The following CFAP99 variants were observed in gnomAD, a reference collection of about 807,000 sequenced individuals.
The protein encoded by CFAP99 is cilia and flagella associated protein 99, also known as cilia- and flagella-associated protein 99.
A neutral mutation model predicts 82.7 loss-of-function variants in CFAP99; 84 were observed. That is an observed-to-expected ratio of 1.02 (90% CI 0.85 to 1.22). CFAP99 has a LOEUF of 1.22. Ranked by LOEUF, CFAP99 falls within the 50% of genes most tolerant of loss-of-function variation. CFAP99 has a pLI of 0.00. For synonymous variants in CFAP99, 456 were observed against 429.5 expected (o/e 1.06, Z -0.76); for missense variants, 1,059 against 983.5 (o/e 1.08, Z -1.03).
chr4:2,451,098 G>A lies in CFAP99; in HGVS notation c.867+80G>A, dbSNP rs1244474314. Reference sequence around the variant, plus strand: ...GACCTTTTCTGCCCGTAGAGGCTCAGATGACCTGAGCTGGGGGACCTAGAG... The same window carrying A: ...GACCTTTTCTGCCCGTAGAGGCTCAAATGACCTGAGCTGGGGGACCTAGAG... On this transcript the variant is annotated intron_variant, in intron 9 of 14. Transcript: ENST00000635017. 9.4e-6 allele frequency: 14 copies of A among 1,481,586 alleles called. No homozygotes were observed. The African/African-American group carries it at 1.9e-4, about 21-fold the overall frequency. The allele number at this position is 1,481,586 out of a possible 1,614,324, so 91.8% of individuals were successfully genotyped here. A position where few individuals can be genotyped will look rare whatever the true frequency, so the allele number is the denominator to read the frequency against.
exon 3 of CFAP99, chr4:2,436,996 G>C: frequency 6.5e-7 from 1 of 1,536,086 alleles, no homozygotes; most frequent in Non-Finnish European, 8.7e-7. Context: ...TCTGCCTGCG[G>C]GTTGACCACA....
intron 2 of CFAP99, among the ~76,000 whole-genome samples, chr4:2,429,873 G>A (rs1009262506): frequency 6.6e-6 from 1 of 152,248 alleles, no homozygotes; most frequent in Non-Finnish European, 1.5e-5. Flanking sequence ...TTACAGGCAT[G>A]AGCCACTGCA....
chr4:2,425,675 C>G (rs756055268), intron 1 of CFAP99, among the ~76,000 whole-genome samples: 7 of 152,190 alleles, frequency 4.6e-5, no homozygotes, highest in Non-Finnish European at 7.4e-5. Flanking sequence ...CAGGCCTGCA[C>G]CACACCCAAG....
At position 2,448,748 on chromosome 4, in the gene CFAP99, G is replaced by C. The variant is rs1002626104; in HGVS notation, c.643-922G>C. ...CTGGAGTGGAGTGAGGCAGGGAAGA[G>C]GGAAGGCGGGGTACCGGTCTGGTCA... On this transcript the variant is annotated intron_variant, in intron 6 of 14. Transcript: ENST00000635017. This position sits in a 1 kb window ranked among gnomAD's most constrained non-coding sequence, Gnocchi z 5.2. 2.6e-5 allele frequency among the ~76,000 whole-genome samples: 4 copies of C among 152,244 alleles called. No individual in the cohort carries two copies. Among genetic ancestry groups the C allele is most frequent in the Non-Finnish European group, 4.4e-5 (3 of 68,038 alleles).
At position 2,462,392 on chromosome 4, in the gene CFAP99, G is replaced by C; in HGVS notation, c.1662-51G>C. On this transcript the variant is annotated intron_variant, in intron 14 of 14. Transcript: ENST00000635017. This position sits in a 1 kb window ranked among gnomAD's most constrained non-coding sequence, Gnocchi z 4.1. ...TGGACACGGGTGGCATCCTGGGTCT[G>C]GCCTGGGCCTCCCGCCGGCCTGCTC... 3 of 1,388,492 alleles carry C rather than the reference G, an allele frequency of 2.2e-6. No homozygotes were observed. 86.0% of individuals were successfully genotyped at this position (1,388,492 alleles called of 1,614,324 possible).
At chr4:2,458,888 G>A (rs1055096511) in intron 12 of CFAP99, 24 bp downstream of exon 12, 2 of 1,526,078 alleles carry the variant, frequency 1.3e-6, no homozygotes, top group African/African-American at 1.4e-5. Context: ...AGATGTCACT[G>A]GCCCTACCCC....
At chr4:2,424,845 G>A (rs1733652804) in intron 1 of CFAP99, among the ~76,000 whole-genome samples, 1 of 152,190 alleles carries the variant, frequency 6.6e-6, no homozygotes, top group Admixed American at 6.5e-5. Context: ...GAAATATCAT[G>A]ACTCATTCCC....
At chr4:2,429,943 G>A (rs184803734) in intron 2 of CFAP99, among the ~76,000 whole-genome samples, 7 of 149,326 alleles carry the variant, frequency 4.7e-5, no homozygotes, top group Admixed American at 4.0e-4. Flanking sequence ...TGGTGCATTG[G>A]ATCCTGATCC....
At position 2,447,830 on chromosome 4, in the gene CFAP99, G is replaced by GTGGA. The variant is rs991718428; in HGVS notation, c.643-1817_643-1814dup. Among the ~76,000 whole-genome samples the GTGGA allele has an allele frequency of 6.7e-4, 77 of 115,156 alleles. 1 individual carries two copies. Among genetic ancestry groups the GTGGA allele is most frequent in the Non-Finnish European group, 7.0e-4 (39 of 55,468 alleles). 75.5% of individuals were successfully genotyped at this position (115,156 alleles called of 152,430 possible). On this transcript the variant is annotated intron_variant, in intron 6 of 14. Coordinates refer to ENST00000635017, the Ensembl canonical transcript of CFAP99. Reference sequence around the variant, plus strand: ...AATTAATGGATGGATGGGTGGGTGGGTGGATGGATGGATGGATGGATGGAT... The same window carrying GTGGA: ...AATTAATGGATGGATGGGTGGGTGGGTGGATGGATGGATGGATGGATGGATGGAT...
chr4:2,461,829 C>CT lies in CFAP99; in HGVS notation c.1662-613dup, dbSNP rs370590880. Among the ~76,000 whole-genome samples, 606 of 152,242 alleles carry CT rather than the reference C, an allele frequency of 4.0e-3. 1 individual carries two copies. The highest frequency in any genetic ancestry group is 0.012 in the African/African-American group (486 of 41,536). On this transcript the variant is annotated intron_variant, in intron 14 of 14. Transcript: ENST00000635017. The stretch of plus-strand genomic sequence containing the variant: ...CAATCAGAAGGATCAAGGGCCATGT[C>CT]TGCAGGTACCTGTGGAGATGCAGGC...
At chr4:2,437,916 G>A (rs1014643695) in intron 3 of CFAP99, among the ~76,000 whole-genome samples, 154 bp from the exon 4 acceptor site, 3 of 152,198 alleles carry the variant, frequency 2.0e-5, no homozygotes, top group Admixed American at 6.5e-5. Flanking sequence ...AATGTTGTTT[G>A]TGTTCGCTTA....
At chr4:2,459,139 C>A in exon 13 of CFAP99, 1 of 1,533,324 alleles carries the variant, frequency 6.5e-7, no homozygotes, top group Non-Finnish European at 8.7e-7. Flanking sequence ...CAGGGGGCTG[C>A]TGCAGCGCAG....
chr4:2,423,290 G>T (rs752982798), intron 1 of CFAP99, among the ~76,000 whole-genome samples: 54 of 152,246 alleles, frequency 3.5e-4, no homozygotes, highest in Non-Finnish European at 5.3e-4. Context: ...CCGCACCCCT[G>T]CCATACTGGT....
rs1263877072 is a variant in CFAP99 at position 2,460,061 on chromosome 4, G to A, written c.1480G>A (p.Glu494Lys). The A allele has an allele frequency of 4.6e-6, 7 of 1,535,908 alleles. No individual in the cohort carries two copies. The African/African-American group carries it at 8.2e-5, about 18-fold the overall frequency. ...GATCCCCGGCTACGGCCTGGAAGGA[G>A]AGATGTCCATAGTGGAGCTGCGAGA... Residue 494 changes from glutamate (E) to lysine (K), a missense_variant, in exon 14 of 15, where the codon GAG becomes AAG. Transcript: ENST00000635017.
intron 2 of CFAP99, among the ~76,000 whole-genome samples, chr4:2,436,556 C>G (rs1369228783): frequency 6.6e-6 from 1 of 152,228 alleles, no homozygotes; most frequent in Non-Finnish European, 1.5e-5. Context: ...CCCTGGCACT[C>G]TCTGCTCTGC....
intron 11 of CFAP99, among the ~76,000 whole-genome samples, chr4:2,457,680 C>CA (rs1238803565): frequency 6.6e-6 from 1 of 152,242 alleles, no homozygotes; most frequent in Non-Finnish European, 1.5e-5. Flanking sequence ...GGTGACCACA[C>CA]ACTCATCGCT....
Position 2,434,443 on chromosome 4 carries a change from G to A in CFAP99, c.112-2431G>A, listed in dbSNP as rs540830179. Among the ~76,000 whole-genome samples, 130 of 152,352 alleles carry A rather than the reference G, an allele frequency of 8.5e-4. 1 individual carries two copies. The highest frequency in any genetic ancestry group is 7.5e-3 in the Admixed American group (115 of 15,298). Reference sequence around the variant, plus strand: ...GCCCTAGAACGAAGGACTGTCCCCGGGAGAATGTTGCTACCAGCTGGCATT... The same window carrying A: ...GCCCTAGAACGAAGGACTGTCCCCGAGAGAATGTTGCTACCAGCTGGCATT... On this transcript the variant is annotated intron_variant, in intron 2 of 14. Coordinates refer to ENST00000635017, the Ensembl canonical transcript of CFAP99.
Position 2,426,178 on chromosome 4 carries a change from G to A in CFAP99, c.-17-281G>A, listed in dbSNP as rs552651879. ...AGCTTCGGTCTGTGGTGATGGGGGT[G>A]ACCTGATGGTGAACTCACCCAGGCC... On this transcript the variant is annotated intron_variant, in intron 1 of 14. Coordinates refer to ENST00000635017, the Ensembl canonical transcript of CFAP99. Among the ~76,000 whole-genome samples the A allele has an allele frequency of 1.6e-4, 25 of 152,230 alleles. No homozygotes were observed. The South Asian group carries it at 4.4e-3, about 27-fold the overall frequency.
At chr4:2,454,594 G>GGTTTTTTTTTTTTTGGTTTT (rs1560388808) in intron 11 of CFAP99, among the ~76,000 whole-genome samples, 1 of 84,538 alleles carries the variant, frequency 1.2e-5, no homozygotes, top group African/African-American at 4.2e-5. Flanking sequence ...TTTTTTTTTT[G>GGTTTTTTTTTTTTTGGTTTT]TTTTTTTTTT....
Sources: allele counts gnomAD v4.1 joint callset (sites outside exome capture counted in the v4.1 genomes callset), GRCh38; gene constraint gnomAD v4.1.1; non-coding constraint Gnocchi (gnomAD v3.1); transcripts MANE v1.5; gene names NCBI Gene and HGNC (gene_info 2026-07-23, HGNC 2026-07-21).